FBXL2: variants seen among roughly 807,000 people sequenced by gnomAD.
FBXL2 encodes F-box and leucine rich repeat protein 2.
In FBXL2, 38 loss-of-function variants were observed where a neutral mutation model predicts 69.2. The observed-to-expected ratio is 0.55, with a 90% CI of 0.42 to 0.72. The LOEUF is 0.72. Ranked by LOEUF, FBXL2 falls within the 30% of genes least tolerant of loss-of-function variation. FBXL2 has a pLI of 0.00. For missense variants in FBXL2, 354 were observed against 520.3 expected, an observed-to-expected ratio of 0.68 and a Z score of 3.11; for synonymous variants, 192 against 201.3, an observed-to-expected ratio of 0.95 and a Z score of 0.39.
intron 1 of FBXL2, among the ~76,000 whole-genome samples, chr3:33,294,654 C>G (rs891357441): frequency 2.0e-5 from 3 of 151,958 alleles, no homozygotes; most frequent in African/African-American, 7.3e-5. Context: ...GCCTGGGCAA[C>G]ATAGGGAGAT....
intron 2 of FBXL2, among the ~76,000 whole-genome samples, chr3:33,323,976 C>T (rs1479874900): frequency 6.6e-6 from 1 of 152,156 alleles, no homozygotes; most frequent in Non-Finnish European, 1.5e-5. Context: ...CTGTTGTTTC[C>T]TGACTTTTTA....
Position 33,384,120 on chromosome 3 carries a change from C to T in FBXL2, c.1083C>T (p.His361=), listed in dbSNP as rs749333288. Residue 361 remains histidine, a synonymous_variant, in exon 14 of 15, where the codon CAC becomes CAT. Transcript: ENST00000484457. ...TCATCACTGATGTGGCCCTGGAACA[C>T]CTAGAGAACTGCCGAGGCCTGGAGC... ...CLLITDVALE[H]LENCRGLERL... 2 of 1,614,110 alleles carry T rather than the reference C, an allele frequency of 1.2e-6. No homozygotes were observed. Among genetic ancestry groups the T allele is most frequent in the South Asian group, 1.1e-5 (1 of 91,078 alleles).
chr3:33,388,121 A>ATAGTTTAGT (rs1553668119), downstream of FBXL2: 7 of 113,498 alleles, frequency 6.2e-5, no homozygotes, highest in African/African-American at 2.8e-4. Flanking sequence ...AAAGTCTGGA[A>ATAGTTTAGT]TAGTTTAGTT....
chr3:33,417,422 C>G, the FBXL2 span, among the ~76,000 whole-genome samples: 1 of 152,092 alleles, frequency 6.6e-6, no homozygotes, highest in African/African-American at 2.4e-5. Context: ...TTAAACTTAG[C>G]ATAATGTTTT....
At chr3:33,367,112 T>C (rs868408439) in intron 5 of FBXL2, among the ~76,000 whole-genome samples, 3 of 152,102 alleles carry the variant, frequency 2.0e-5, no homozygotes, top group Admixed American at 2.0e-4. Flanking sequence ...TTTTTTCTTT[T>C]TAGATGGAGT....
intron 2 of FBXL2, among the ~76,000 whole-genome samples, chr3:33,340,784 A>G (rs2039956212): frequency 1.3e-5 from 2 of 149,756 alleles, no homozygotes; most frequent in African/African-American, 2.5e-5. Flanking sequence ...CCCAGATCCT[A>G]GGGAGACTGA....
intron 2 of FBXL2, among the ~76,000 whole-genome samples, chr3:33,343,380 A>G (rs2040211211): frequency 7.7e-6 from 1 of 130,688 alleles, no homozygotes; most frequent in Non-Finnish European, 1.9e-5. Flanking sequence ...GCTGTCCCCA[A>G]CTGAAACTTC....
At chr3:33,287,943 GT>G (rs980048960) in intron 1 of FBXL2, among the ~76,000 whole-genome samples, 2 of 151,242 alleles carry the variant, frequency 1.3e-5, no homozygotes, top group South Asian at 4.2e-4. Flanking sequence ...GATTTACTGG[GT>G]TTTTTTTTGG....
intron 1 of FBXL2, among the ~76,000 whole-genome samples, chr3:33,279,337 C>A (rs1255196779): frequency 1.3e-5 from 2 of 151,306 alleles, no homozygotes; most frequent in Admixed American, 6.6e-5. Flanking sequence ...GTGGTGCGAT[C>A]TCGGCTCACT....
chr3:33,286,725 G>A (rs2034662372), intron 1 of FBXL2, among the ~76,000 whole-genome samples: 1 of 152,204 alleles, frequency 6.6e-6, no homozygotes, highest in African/African-American at 2.4e-5. Context: ...ACCTACTCAA[G>A]CCTCAGCAAT....
Position 33,373,138 on chromosome 3 carries a change from G to A in FBXL2, c.337G>A (p.Gly113Arg), listed in dbSNP as rs1356697011. 1 of 1,614,052 alleles carries A rather than the reference G, an allele frequency of 6.2e-7. No individual in the cohort carries two copies. The highest frequency in any genetic ancestry group is 8.5e-7 in the Non-Finnish European group (1 of 1,180,004). The part of the protein sequence containing the change: ...CRNIEHLNLN[G>R]CTKITDSTCY... ...AAACATTGAACATTTGAACCTCAATGGATGCACAAAAATCACTGACAGGTA... is the reference window on the plus strand; with the variant it reads ...AAACATTGAACATTTGAACCTCAATAGATGCACAAAAATCACTGACAGGTA... Residue 113 changes from glycine (G) to arginine (R), a missense_variant, in exon 6 of 15, where the codon GGA becomes AGA. Coordinates refer to ENST00000484457, the MANE Select transcript of FBXL2 (RefSeq NM_012157.5).
chr3:33,333,399 A>G (rs531458490), intron 2 of FBXL2, among the ~76,000 whole-genome samples: 55 of 152,314 alleles, frequency 3.6e-4, no homozygotes, highest in African/African-American at 1.2e-3. Flanking sequence ...GATTAACTTT[A>G]GACTTTAGAA....
the FBXL2 span, chr3:33,409,088 A>G: frequency 1.2e-6 from 1 of 800,514 alleles, no homozygotes; most frequent in Non-Finnish European, 2.0e-6. Flanking sequence ...CCCCAAATTT[A>G]AATATTTTCC....
chr3:33,349,669 A>G (rs2040694980), intron 2 of FBXL2, among the ~76,000 whole-genome samples: 2 of 152,116 alleles, frequency 1.3e-5, no homozygotes, highest in African/African-American at 4.8e-5. Flanking sequence ...TTTGAGTGGG[A>G]TTGGTATTAA....
chr3:33,277,389 C>T (rs2033375624), upstream of FBXL2: 2 of 1,078,358 alleles, frequency 1.9e-6, no homozygotes, highest in South Asian at 8.9e-5. Flanking sequence ...TCGCCGACCA[C>T]CAATGGCCGC....
At chr3:33,321,191 T>C (rs2038177701) in intron 2 of FBXL2, among the ~76,000 whole-genome samples, 1 of 151,710 alleles carries the variant, frequency 6.6e-6, no homozygotes, top group Non-Finnish European at 1.5e-5. Context: ...ATACCTGTAA[T>C]CTCAGCTACT....
chr3:33,405,449 G>A (rs1315320034), downstream of FBXL2, among the ~76,000 whole-genome samples: 4 of 152,186 alleles, frequency 2.6e-5, no homozygotes, highest in Non-Finnish European at 4.4e-5. Flanking sequence ...CTCCTTTGCA[G>A]CTATTTAAAT....
At chr3:33,286,844 G>A (rs747632482) in intron 1 of FBXL2, among the ~76,000 whole-genome samples, 1 of 152,210 alleles carries the variant, frequency 6.6e-6, no homozygotes, top group Non-Finnish European at 1.5e-5. Context: ...AGCCAGGCGC[G>A]GGATATAATT....
At chr3:33,392,531 A>G (rs750243417), downstream of FBXL2, 1 of 1,590,136 alleles carries the variant, frequency 6.3e-7, no homozygotes, top group Non-Finnish European at 8.6e-7. Flanking sequence ...TCATGATTCC[A>G]GCATTTTAAG....
Sources: allele counts gnomAD v4.1 joint callset (sites outside exome capture counted in the v4.1 genomes callset), GRCh38; gene constraint gnomAD v4.1.1; transcripts MANE v1.5; gene names NCBI Gene and HGNC (gene_info 2026-07-23, HGNC 2026-07-21).